The following SHPRH variants were observed in gnomAD, a reference collection of about 807,000 sequenced individuals.
SHPRH encodes the protein E3 ubiquitin-protein ligase SHPRH.
Under a neutral mutation model 202.5 loss-of-function variants are expected in SHPRH, and 106 were observed. That is an observed-to-expected ratio of 0.52 (90% CI 0.45 to 0.62). SHPRH has a LOEUF of 0.62. Among genes scored for constraint, SHPRH ranks in the 20% least tolerant of loss-of-function variants. The pLI is 0.00. For missense variants in SHPRH, 1,710 were observed against 2,020.0 expected (o/e 0.85, Z 2.94); for synonymous variants, 729 against 686.0 (o/e 1.06, Z -0.98).
chr6:145,888,090 C>T lies in SHPRH; in HGVS notation c.4885G>A (p.Val1629Ile), dbSNP rs1562284352. 1 of 1,609,836 alleles carries T rather than the reference C, an allele frequency of 6.2e-7. No individual in the cohort carries two copies. Among genetic ancestry groups the T allele is most frequent in the Non-Finnish European group, 8.5e-7 (1 of 1,176,712 alleles). ...GTTGCTTTAATTAAGAATCTGTGTA[C>T]AATAGTAGGTCTAAAAGGTACAGAA... Reference protein sequence around the residue: ...HRIGQTKPTIVHRFLIKATIE... With the variant: ...HRIGQTKPTIIHRFLIKATIE... Residue 1629 changes from valine to isoleucine, a missense_variant, in exon 29 of 30, where the codon GTA (valine) becomes ATA (isoleucine). Coordinates refer to ENST00000275233, the MANE Select transcript of SHPRH (RefSeq NM_001042683.3).
intron 2 of SHPRH, among the ~76,000 whole-genome samples, chr6:145,867,460 T>G: frequency 6.6e-6 from 1 of 151,362 alleles, no homozygotes. Context: ...CTCCATGCAG[T>G]CACAGGTGTC....
intron 2 of SHPRH, 41 bp from the exon 3 acceptor site, chr6:145,952,519 A>C: frequency 6.4e-7 from 1 of 1,573,522 alleles, no homozygotes; most frequent in Non-Finnish European, 8.6e-7. Flanking sequence ...TTCATTTGAA[A>C]TATACCATTC....
intron 13 of SHPRH, among the ~76,000 whole-genome samples, chr6:145,934,529 G>A (rs1785852099): frequency 1.7e-5 from 2 of 114,474 alleles, no homozygotes; most frequent in Admixed American, 9.2e-5. Flanking sequence ...GGCTGTAGCA[G>A]TGTGCACTTG....
rs376632826 is a variant in SHPRH at position 145,923,780 on chromosome 6, A to G, written c.3408T>C (p.His1136=). The part of the protein sequence containing the change: ...QTIHELQRKI[H]SNSPWWLNVI... ...CATTTAGCCACCAAGGAGAATTAGA[A>G]TGAATCTGTAAAAAAGGTAGCAGTT... Residue 1136 remains histidine (H), a synonymous_variant, in exon 18 of 30, where the codon CAT becomes CAC. Transcript: ENST00000275233. 1 of 1,608,080 alleles carries G rather than the reference A, an allele frequency of 6.2e-7. No homozygotes were observed. Among genetic ancestry groups the G allele is most frequent in the African/African-American group, 1.3e-5 (1 of 74,678 alleles).
chr6:145,922,821 T>C lies in SHPRH; in HGVS notation c.3561A>G (p.Arg1187=). ...GTGTTGTAAGTAAGAACTGAAGACC[T>C]CTGCAATCACGGAACCTGATTCCCA... The part of the protein sequence containing the change: ...LSMSEKFRDC[R]GLQFLLTTQM... Residue 1187 remains arginine (R), a synonymous_variant, in exon 19 of 30, where the codon AGA becomes AGG. Transcript: ENST00000275233. 6.2e-7 allele frequency: 1 copy of C among 1,609,652 alleles called. No individual in the cohort carries two copies. Among genetic ancestry groups the C allele is most frequent in the Non-Finnish European group, 8.5e-7 (1 of 1,177,686 alleles).
chr6:145,934,076 T>C (rs1400364540), intron 13 of SHPRH, among the ~76,000 whole-genome samples: 2 of 152,168 alleles, frequency 1.3e-5, no homozygotes, highest in African/African-American at 2.4e-5. Flanking sequence ...TGGTGGTTCA[T>C]GCCTGTCATC....
chr6:145,947,739 A>G (rs1325804780), intron 5 of SHPRH, 96 bp from the exon 6 acceptor site: 3 of 1,396,294 alleles, frequency 2.1e-6, no homozygotes, highest in Non-Finnish European at 2.9e-6. Context: ...GAAGCAATGC[A>G]TAAAGTCTAA....
At chr6:145,902,139 G>A (rs1050887796) in intron 25 of SHPRH, among the ~76,000 whole-genome samples, 2 of 152,014 alleles carry the variant, frequency 1.3e-5, no homozygotes, top group Non-Finnish European at 2.9e-5. Flanking sequence ...TCCACTTTCT[G>A]GAAAATAAAG....
At chr6:145,924,677 A>T in intron 17 of SHPRH, 62 bp downstream of exon 17, 1 of 1,496,448 alleles carries the variant, frequency 6.7e-7, no homozygotes, top group South Asian at 1.1e-5. Context: ...CCACCAAAAA[A>T]CCAAAACTCA....
At chr6:145,884,006 A>G (rs763067020), downstream of SHPRH, 1 of 152,222 alleles carries the variant, frequency 6.6e-6, no homozygotes, top group Non-Finnish European at 1.5e-5. Flanking sequence ...ACTTAAGCAC[A>G]TTGGAAGAGC....
chr6:145,938,174 G>A (rs1342590579), intron 11 of SHPRH, among the ~76,000 whole-genome samples: 1 of 151,660 alleles, frequency 6.6e-6, no homozygotes, highest in African/African-American at 2.4e-5. Context: ...CAGTCATGAG[G>A]GTGGAACCCT....
At chr6:145,938,304 C>T (rs142919971) in intron 11 of SHPRH, among the ~76,000 whole-genome samples, 3 of 152,262 alleles carry the variant, frequency 2.0e-5, no homozygotes, top group Non-Finnish European at 2.9e-5. Context: ...TTCCACCTTC[C>T]ACCATGAGAT....
At chr6:145,884,375 G>T (rs1780814401), downstream of SHPRH, 1 of 152,158 alleles carries the variant, frequency 6.6e-6, no homozygotes, top group Non-Finnish European at 1.5e-5. Flanking sequence ...ACTTTACATT[G>T]TATGTATCTT....
chr6:145,952,707 T>C (rs952130657), intron 2 of SHPRH, among the ~76,000 whole-genome samples: 3 of 152,160 alleles, frequency 2.0e-5, no homozygotes, highest in Middle Eastern at 3.4e-3. Flanking sequence ...GAAAAAAATA[T>C]TCCCCTAACT....
At chr6:145,915,543 A>G (rs1783873306) in intron 23 of SHPRH, among the ~76,000 whole-genome samples, 1 of 151,852 alleles carries the variant, frequency 6.6e-6, no homozygotes, top group Non-Finnish European at 1.5e-5. Flanking sequence ...AAAAAAGGAA[A>G]TTTTCTTTAA....
In SHPRH at chr6:145,955,467, T is replaced by G. The variant is rs1444139259; in HGVS notation, c.-32-113A>C. ...TAGCCCATAAACATAATATGAAATC[T>G]TCTGTGAGATATAAGGCAATGAGTA... On this transcript the variant is annotated intron_variant, in intron 1 of 29. Transcript: ENST00000275233. The G allele has an allele frequency of 8.6e-6, 9 of 1,043,138 alleles. No homozygotes were observed. In the East Asian group the frequency reaches 2.0e-4, roughly 23 times the overall value. The allele number at this position is 1,043,138 out of a possible 1,614,324, so 64.6% of individuals were successfully genotyped here.
chr6:145,942,657 C>T (rs542640724), intron 9 of SHPRH, among the ~76,000 whole-genome samples: 2 of 152,258 alleles, frequency 1.3e-5, no homozygotes, highest in South Asian at 4.1e-4. Context: ...TGACTGGATA[C>T]TATTTTTAAA....
intron 15 of SHPRH, 100 bp from the exon 16 acceptor site, chr6:145,926,396 A>G (rs1359917122): frequency 6.2e-6 from 6 of 960,136 alleles, no homozygotes; most frequent in Non-Finnish European, 8.1e-6. Flanking sequence ...CACCACATTA[A>G]GATCATATCA....
intron 22 of SHPRH, 185 bp downstream of exon 22, chr6:145,919,163 T>C (rs375883557): frequency 2.0e-5 from 14 of 696,598 alleles, no homozygotes; most frequent in South Asian, 1.0e-4. Flanking sequence ...GTAATAGATA[T>C]GAAATTGCTC....
Sources: gnomAD v4.1 joint callset for allele counts (sites outside exome capture counted in the v4.1 genomes callset) on GRCh38, gnomAD v4.1.1 for gene constraint, MANE v1.5 for transcripts, NCBI Gene and HGNC (gene_info 2026-07-23, HGNC 2026-07-21) for gene names.